SEMA6D: variants seen among roughly 807,000 people sequenced by gnomAD.
SEMA6D encodes the protein semaphorin-6D.
In SEMA6D, 35 loss-of-function variants were observed where a neutral mutation model predicts 106.6. The observed-to-expected ratio is 0.33, with a 90% CI of 0.25 to 0.44. SEMA6D has a LOEUF of 0.44. Among genes scored for constraint, SEMA6D ranks in the 20% least tolerant of loss-of-function variants. The pLI is 1.00. For missense variants in SEMA6D, 1,185 were observed against 1,345.9 expected, an observed-to-expected ratio of 0.88 and a Z score of 1.87; for synonymous variants, 499 against 487.7, an observed-to-expected ratio of 1.02 and a Z score of -0.31.
At chr15:47,628,836 A>G (rs2077246734) in intron 4 of SEMA6D, among the ~76,000 whole-genome samples, 1 of 152,028 alleles carries the variant, frequency 6.6e-6, no homozygotes, top group Non-Finnish European at 1.5e-5. Flanking sequence ...GGTTTGGAAA[A>G]CTTTGTCTTA....
rs1368232256 is a variant in SEMA6D at position 47,706,696 on chromosome 15, CCTCTCTCTCTCTCTTTCTCTCTATTTTT to C, written c.-54-53034_-54-53007del. ...CTTTCCTTTTCACTCTGTCTCTGGA[CCTCTCTCTCTCTCTTTCTCTCTATTTTT>C]CTCTCTCTCTCTCTCCTCTAGATAT... On this transcript the variant is annotated intron_variant, in intron 4 of 19. Coordinates refer to the SEMA6D transcript ENST00000558014. Among the ~76,000 whole-genome samples the C allele has an allele frequency of 1.1e-4, 17 of 150,906 alleles. No individual in the cohort carries two copies. The East Asian group carries it at 3.3e-3, about 29-fold the overall frequency.
chr15:47,644,382 A>G (rs2077542937), intron 4 of SEMA6D, among the ~76,000 whole-genome samples: 1 of 152,242 alleles, frequency 6.6e-6, no homozygotes, highest in Non-Finnish European at 1.5e-5. Context: ...TTATGATAAA[A>G]TCGAATTGCC....
intron 1 of SEMA6D, among the ~76,000 whole-genome samples, chr15:47,236,624 C>G (rs2032561684): frequency 6.6e-6 from 1 of 152,110 alleles, no homozygotes; most frequent in African/African-American, 2.4e-5. Flanking sequence ...TTCTGCCTGT[C>G]TTCAGATGAA....
intron 2 of SEMA6D, among the ~76,000 whole-genome samples, chr15:47,465,871 T>G (rs1272928188): frequency 6.8e-6 from 1 of 148,080 alleles, no homozygotes; most frequent in Non-Finnish European, 1.5e-5. Context: ...AATTCACCAG[T>G]AAAGGGTCTT....
At chr15:47,737,318 T>TA (rs977988386) in intron 1 of SEMA6D, among the ~76,000 whole-genome samples, 66 of 149,380 alleles carry the variant, frequency 4.4e-4, no homozygotes, top group African/African-American at 1.5e-3. Flanking sequence ...AGACAGACAA[T>TA]AACTGTCTTC....
intron 4 of SEMA6D, among the ~76,000 whole-genome samples, chr15:47,658,383 G>A (rs952488551): frequency 6.6e-6 from 1 of 152,028 alleles, no homozygotes; most frequent in Non-Finnish European, 1.5e-5. Context: ...ATTATGGTAA[G>A]GGATTTTTCA....
intron 1 of SEMA6D, among the ~76,000 whole-genome samples, chr15:47,209,196 A>G (rs1895317264): frequency 6.6e-6 from 1 of 152,236 alleles, no homozygotes. Context: ...ACATGGGGAA[A>G]TATTTCCATG....
intron 3 of SEMA6D, among the ~76,000 whole-genome samples, chr15:47,564,110 A>G (rs1292758905): frequency 2.6e-5 from 4 of 152,228 alleles, no homozygotes; most frequent in Admixed American, 2.6e-4. Flanking sequence ...TTTATAAATC[A>G]TGGAGTGTGT....
intron 1 of SEMA6D, among the ~76,000 whole-genome samples, chr15:47,196,403 T>TG (rs1894362920): frequency 6.6e-6 from 1 of 152,156 alleles, no homozygotes; most frequent in Non-Finnish European, 1.5e-5. Context: ...TTATATCCCT[T>TG]GGGAGACCTC....
intron 2 of SEMA6D, among the ~76,000 whole-genome samples, chr15:47,463,598 G>A (rs1596062208): frequency 6.6e-6 from 1 of 152,138 alleles, no homozygotes; most frequent in Admixed American, 6.6e-5. Context: ...TATGTCGGGG[G>A]AATCCCCGTG....
intron 3 of SEMA6D, among the ~76,000 whole-genome samples, chr15:47,496,422 A>G (rs1481545082): frequency 1.3e-5 from 2 of 152,080 alleles, no homozygotes; most frequent in Non-Finnish European, 2.9e-5. Context: ...CAGTGACTTC[A>G]GAACCTAATG....
intron 1 of SEMA6D, among the ~76,000 whole-genome samples, chr15:47,210,314 G>A (rs1895398023): frequency 6.6e-6 from 1 of 152,106 alleles, no homozygotes; most frequent in Admixed American, 6.5e-5. Context: ...TGGGGTTTCT[G>A]GAAGTCATCA....
chr15:47,339,896 AAG>A (rs923725802), intron 1 of SEMA6D, among the ~76,000 whole-genome samples: 7 of 151,902 alleles, frequency 4.6e-5, no homozygotes, highest in Admixed American at 4.6e-4. Flanking sequence ...GAGAAAGAAA[AAG>A]AGAAAGAGAG....
chr15:47,505,140 C>T (rs573905679), intron 3 of SEMA6D, among the ~76,000 whole-genome samples: 1 of 152,118 alleles, frequency 6.6e-6, no homozygotes, highest in South Asian at 2.1e-4. Context: ...TTTTGGGGCC[C>T]CTAAGATGAA....
chr15:47,612,272 C>G (rs888926760), intron 4 of SEMA6D, among the ~76,000 whole-genome samples: 5 of 152,156 alleles, frequency 3.3e-5, no homozygotes, highest in Non-Finnish European at 7.3e-5. Context: ...GGTGACCAAC[C>G]TAAGGGCTCA....
chr15:47,236,090 T>C (rs768801365), intron 1 of SEMA6D, among the ~76,000 whole-genome samples: 41 of 152,152 alleles, frequency 2.7e-4, no homozygotes, highest in Non-Finnish European at 3.7e-4. Flanking sequence ...ATGCTTGTGT[T>C]AAAAATGTTA....
At chr15:47,526,964 C>T (rs2044780971) in intron 3 of SEMA6D, among the ~76,000 whole-genome samples, 1 of 152,106 alleles carries the variant, frequency 6.6e-6, no homozygotes, top group Non-Finnish European at 1.5e-5. Context: ...ATCTCGAACT[C>T]CTGAGCTCGT....
At chr15:47,488,759 C>G (rs990586550) in intron 3 of SEMA6D, among the ~76,000 whole-genome samples, 7 of 152,050 alleles carry the variant, frequency 4.6e-5, no homozygotes, top group African/African-American at 1.7e-4. Flanking sequence ...AAGAAATTCT[C>G]AAAGATGCCT....
chr15:47,238,990 G>A (rs1408016272), intron 1 of SEMA6D, among the ~76,000 whole-genome samples: 3 of 152,132 alleles, frequency 2.0e-5, no homozygotes, highest in African/African-American at 7.2e-5. Context: ...CTGTTACTGG[G>A]CCACAGACCA....
Sources: gnomAD v4.1 joint callset for allele counts (sites outside exome capture counted in the v4.1 genomes callset) on GRCh38, gnomAD v4.1.1 for gene constraint, MANE v1.5 for transcripts, NCBI Gene and HGNC (gene_info 2026-07-23, HGNC 2026-07-21) for gene names.